D2HGDH: variants seen among roughly 807,000 people sequenced by gnomAD.
D2HGDH encodes D-2-hydroxyglutarate dehydrogenase, mitochondrial.
D2HGDH carries 31 observed loss-of-function variants against 46.9 expected under a neutral mutation model. That is an observed-to-expected ratio of 0.66 (90% CI 0.50 to 0.89). The LOEUF is 0.89. Ranked by LOEUF, D2HGDH falls within the 40% of genes least tolerant of loss-of-function variation. The pLI is 0.00. For missense variants in D2HGDH, 698 were observed against 720.8 expected (o/e 0.97, Z 0.36); for synonymous variants, 364 against 332.6 (o/e 1.09, Z -1.03).
chr2:241,756,274 C>T (rs921521009), intron 9 of D2HGDH, among the ~76,000 whole-genome samples: 9 of 152,232 alleles, frequency 5.9e-5, no homozygotes, highest in Non-Finnish European at 1.2e-4. Flanking sequence ...CTTGTCAGAA[C>T]GTTCTGGGAT....
In D2HGDH at chr2:241,754,320, A is replaced by AGCTT. The variant is rs1384003332; in HGVS notation, c.1141-1528_1141-1527insCTTG. ...CTTGCTCAGGGCAGGGCGTGACCCA[A>AGCTT]GGGTCTGATCTGACCGAACTAGCTC... On this transcript the variant is annotated intron_variant, in intron 8 of 9. Transcript: ENST00000321264. 9.2e-5 allele frequency among the ~76,000 whole-genome samples: 14 copies of AGCTT among 152,320 alleles called. No homozygotes were observed. In the East Asian group the frequency reaches 2.7e-3, roughly 30 times the overall value.
At chr2:241,759,370 T>G (rs1422656225) in intron 9 of D2HGDH, among the ~76,000 whole-genome samples, 1 of 152,232 alleles carries the variant, frequency 6.6e-6, no homozygotes, top group African/African-American at 2.4e-5. Flanking sequence ...GTTCGTCTCT[T>G]TGTTTTGGGA....
chr2:241,744,972 A>ACAC, intron 6 of D2HGDH, 95 bp downstream of exon 6: 1 of 1,343,464 alleles, frequency 7.4e-7, no homozygotes, highest in South Asian at 1.3e-5. Context: ...GGATGGAGGG[A>ACAC]CCCCCCGCCA....
rs372527319 is a variant in D2HGDH, at chr2:241,742,957, C to T, written c.490+383C>T. ...ACCCAGGGCGCCAGGGCGTGGCAGG[C>T]GTGAGGGGATCCTGACCCAGGGCGC... On this transcript the variant is annotated intron_variant, in intron 4 of 9. Transcript: ENST00000321264. The surrounding 1 kb of genome is among the most constrained non-coding windows in gnomAD (Gnocchi z 4.8). Among the ~76,000 whole-genome samples the T allele has an allele frequency of 9.5e-6, 1 of 105,312 alleles. No individual in the cohort carries two copies. The highest frequency in any genetic ancestry group is 9.5e-5 in the Admixed American group (1 of 10,520). 69.1% of individuals were successfully genotyped at this position (105,312 alleles called of 152,430 possible).
intron 9 of D2HGDH, among the ~76,000 whole-genome samples, chr2:241,764,223 G>T (rs1214729097): frequency 1.3e-5 from 2 of 152,206 alleles, no homozygotes; most frequent in African/African-American, 2.4e-5. Context: ...TGTGGGAGGG[G>T]TCCCTGCTGT....
chr2:241,754,440 T>A (rs1697840901), intron 8 of D2HGDH: 1 of 151,860 alleles, frequency 6.6e-6, no homozygotes, highest in Non-Finnish European at 1.5e-5. Flanking sequence ...GCCCAGGAGT[T>A]TGAGACGAGC....
chr2:241,752,796 C>T, intron 8 of D2HGDH, among the ~76,000 whole-genome samples: 1 of 149,264 alleles, frequency 6.7e-6, no homozygotes, highest in African/African-American at 2.5e-5. Context: ...ACCCTGGCAC[C>T]CCAGCCTCCA....
rs1694734841 is a variant in D2HGDH at position 241,742,433 on chromosome 2, A to AG, written c.351dup. On this transcript the variant is annotated splice_acceptor_variant, in intron 3 of 9. Coordinates refer to ENST00000321264, the MANE Select transcript of D2HGDH (RefSeq NM_152783.5). LOFTEE classifies it high-confidence loss of function. This position sits in a 1 kb window ranked among gnomAD's most constrained non-coding sequence, Gnocchi z 4.8. The stretch of plus-strand genomic sequence containing the variant: ...CCAACGTCCCTCCTGTCCTCATCCC[A>AG]GGCACTGCCACGAGAGGAACCTGGC... 4.3e-6 allele frequency: 7 copies of AG among 1,609,700 alleles called. No homozygotes were observed. The highest frequency in any genetic ancestry group is 5.9e-6 in the Non-Finnish European group (7 of 1,177,978).
rs551680530 is a variant in D2HGDH, at chr2:241,745,116, C to A, written c.853+239C>A. Among the ~76,000 whole-genome samples the A allele has an allele frequency of 2.6e-5, 4 of 152,338 alleles. No individual in the cohort carries two copies. In the South Asian group the frequency reaches 8.3e-4, roughly 32 times the overall value. ...CTCTGTCTCTGGTCAGAGGACACTT[C>A]ATTTCATAAGAAAACAGGCTTGTGT... is the stretch of plus-strand genomic sequence containing the variant. On this transcript the variant is annotated intron_variant, in intron 6 of 9. Transcript: ENST00000321264.
intron 9 of D2HGDH, among the ~76,000 whole-genome samples, chr2:241,757,787 G>A (rs542203137): frequency 6.6e-5 from 10 of 152,100 alleles, no homozygotes; most frequent in Admixed American, 5.9e-4. Context: ...ATGAAACCTC[G>A]CCTCTACTAA....
At position 241,743,545 on chromosome 2, in the gene D2HGDH, A is replaced by G. The variant is rs1695085533; in HGVS notation, c.491-77A>G. The G allele has an allele frequency of 2.1e-5, 32 of 1,530,726 alleles. 2 individuals are homozygous for G. The South Asian group carries it at 3.2e-4, about 15-fold the overall frequency. 94.8% of individuals were successfully genotyped at this position (1,530,726 alleles called of 1,614,324 possible). On this transcript the variant is annotated intron_variant, in intron 4 of 9. Transcript: ENST00000321264. This position sits in a 1 kb window ranked among gnomAD's most constrained non-coding sequence, Gnocchi z 4.8. Reference sequence around the variant, plus strand: ...TTCCTTCTGGGTGGCTTGCCTGTGCAAGATGGGGGTTGGGACTCACCAGCC... The same window carrying G: ...TTCCTTCTGGGTGGCTTGCCTGTGCGAGATGGGGGTTGGGACTCACCAGCC...
intron 5 of D2HGDH, 22 bp from the exon 6 acceptor site, chr2:241,744,687 A>G: frequency 6.2e-7 from 1 of 1,614,140 alleles, no homozygotes; most frequent in Non-Finnish European, 8.5e-7. Flanking sequence ...AGGTGGGTGA[A>G]CGTGCTTCTC....
intron 6 of D2HGDH, chr2:241,749,746 G>T: frequency 3.0e-6 from 1 of 337,196 alleles, no homozygotes; most frequent in Non-Finnish European, 5.8e-6. Context: ...TTTGATGCTG[G>T]TGGTGACACC....
intron 8 of D2HGDH, chr2:241,754,918 A>G: frequency 2.0e-6 from 2 of 996,790 alleles, no homozygotes; most frequent in Non-Finnish European, 2.6e-6. Flanking sequence ...TTTCTCTTAG[A>G]ATTTCCTGAA....
chr2:241,743,915 G>A lies in D2HGDH; in HGVS notation c.684+100G>A. The stretch of plus-strand genomic sequence containing the variant: ...GGCACAGGTGCATGGGGCCCCTCGG[G>A]GTGGGAGGTCTTGGTTCCTGGCCCT... On this transcript the variant is annotated intron_variant, in intron 5 of 9. Transcript: ENST00000321264. The surrounding 1 kb of genome is among the most constrained non-coding windows in gnomAD (Gnocchi z 4.8). 3 of 1,376,568 alleles carry A rather than the reference G, an allele frequency of 2.2e-6. No homozygotes were observed. The highest frequency in any genetic ancestry group is 3.0e-6 in the Non-Finnish European group (3 of 1,001,394). The allele number at this position is 1,376,568 out of a possible 1,614,324, so 85.3% of individuals were successfully genotyped here.
chr2:241,767,805 C>G lies in D2HGDH; in HGVS notation c.1402C>G (p.Gln468Glu), dbSNP rs757252082. Reference protein sequence around the residue: ...EPHVYEWTAGQQGSVSAEHGV... With the variant: ...EPHVYEWTAGEQGSVSAEHGV... ...CCACGTGTACGAGTGGACGGCCGGGCAGCAGGGCAGCGTCAGCGCGGAGCA... is the reference window on the plus strand; with the variant it reads ...CCACGTGTACGAGTGGACGGCCGGGGAGCAGGGCAGCGTCAGCGCGGAGCA... The change falls in exon 10 of 10, where the codon CAG becomes GAG. Residue 468 changes from glutamine to glutamate, a missense_variant. Transcript: ENST00000321264. 1.9e-6 allele frequency: 3 copies of G among 1,612,180 alleles called. No individual in the cohort carries two copies. The highest frequency in any genetic ancestry group is 2.5e-6 in the Non-Finnish European group (3 of 1,179,404).
chr2:241,743,565 C>T lies in D2HGDH; in HGVS notation c.491-57C>T, dbSNP rs1695089752. ...TGTGCAAGATGGGGGTTGGGACTCA[C>T]CAGCCCGGGGGCCCACTGGAAGCCA... On this transcript the variant is annotated intron_variant, in intron 4 of 9. Coordinates refer to ENST00000321264, the MANE Select transcript of D2HGDH (RefSeq NM_152783.5). This position sits in a 1 kb window ranked among gnomAD's most constrained non-coding sequence, Gnocchi z 4.8. The T allele has an allele frequency of 6.3e-7, 1 of 1,576,160 alleles. No homozygotes were observed. The highest frequency in any genetic ancestry group is 8.6e-7 in the Non-Finnish European group (1 of 1,161,714).
In D2HGDH at chr2:241,751,124, T is replaced by G. The variant is rs948294082; in HGVS notation, c.998-122T>G. The G allele has an allele frequency of 2.2e-6, 3 of 1,368,586 alleles. No individual in the cohort carries two copies. The African/African-American group carries it at 4.3e-5, about 20-fold the overall frequency. The allele number at this position is 1,368,586 out of a possible 1,614,324, so 84.8% of individuals were successfully genotyped here. The stretch of plus-strand genomic sequence containing the variant: ...AGAGCTGTGTGCTCCGCAGGCTGCC[T>G]GGGTCCTTCTTGGCCACGAAAGATC... On this transcript the variant is annotated intron_variant, in intron 7 of 9. Transcript: ENST00000321264.
rs4675884 is a variant in D2HGDH, at chr2:241,744,979, G to C, written c.853+102G>C. On this transcript the variant is annotated intron_variant, in intron 6 of 9. Transcript: ENST00000321264. ...GAGGAAGGGGATGGAGGGACCCCCC[G>C]CCAAGGACAGTCGGTTCCCGTGTCT... 1,305,171 of 1,445,592 alleles carry C rather than the reference G, an allele frequency of 0.9. 588,800 individuals carry two copies. The highest frequency in any genetic ancestry group is 0.99 in the East Asian group (42,524 of 42,912). 89.5% of individuals were successfully genotyped at this position (1,445,592 alleles called of 1,614,324 possible).
Sources: allele counts gnomAD v4.1 joint callset (sites outside exome capture counted in the v4.1 genomes callset), GRCh38; gene constraint gnomAD v4.1.1; non-coding constraint Gnocchi (gnomAD v3.1); transcripts MANE v1.5; gene names NCBI Gene and HGNC (gene_info 2026-07-23, HGNC 2026-07-21).